PTPRD: variants seen among roughly 807,000 people sequenced by gnomAD.
PTPRD encodes protein tyrosine phosphatase receptor type D.
In PTPRD, 34 loss-of-function variants were observed where a neutral mutation model predicts 214.5. That is an observed-to-expected ratio of 0.16 (90% CI 0.12 to 0.21). The LOEUF (loss-of-function observed/expected upper bound fraction) is 0.21. Among genes scored for constraint, PTPRD ranks in the 10% least tolerant of loss-of-function variants. The pLI, the probability that PTPRD is intolerant of heterozygous loss-of-function variation, is 1.00. For missense variants in PTPRD, 2,545 were observed against 2,398.7 expected, an observed-to-expected ratio of 1.06 and a Z score of -1.27; for synonymous variants, 1,128 against 845.7, an observed-to-expected ratio of 1.33 and a Z score of -5.79.
chr9:9,194,100 A>G (rs1306962108), intron 9 of PTPRD, among the ~76,000 whole-genome samples: 2 of 152,004 alleles, frequency 1.3e-5, no homozygotes, highest in Admixed American at 6.6e-5. Context: ...ACAAACACAC[A>G]TATTAGCCTA....
intron 3 of PTPRD, among the ~76,000 whole-genome samples, chr9:10,280,045 T>G (rs1367300327): frequency 2.0e-5 from 3 of 152,190 alleles, no homozygotes; most frequent in Non-Finnish European, 4.4e-5. Context: ...CATTCTGTAC[T>G]TAATATAATT....
At chr9:8,352,253 T>C (rs1427900342) in intron 39 of PTPRD, among the ~76,000 whole-genome samples, 3 of 152,148 alleles carry the variant, frequency 2.0e-5, no homozygotes, top group Non-Finnish European at 4.4e-5. Flanking sequence ...CACCTGAATA[T>C]GCCGCAGCAG....
At chr9:9,293,389 CT>C (rs71500980) in intron 9 of PTPRD, among the ~76,000 whole-genome samples, 78 of 110,948 alleles carry the variant, frequency 7.0e-4, no homozygotes, top group Admixed American at 9.5e-4. Flanking sequence ...TTTGTTTGTT[CT>C]TTTTTTTTTT....
rs556988615 is a variant in PTPRD at position 9,302,480 on chromosome 9, A to T, written c.-203+94969T>A. 7.7e-5 allele frequency among the ~76,000 whole-genome samples: 3 copies of T among 38,842 alleles called. No homozygotes were observed. In the East Asian group the frequency reaches 0.023, roughly 303 times the overall value. The allele number at this position is 38,842 out of a possible 152,430, so 25.5% of individuals were successfully genotyped here. Reference sequence around the variant, plus strand: ...ACAAAGTTTATGCATTTTAGGTTGCAGATAAGGCCCATGTAACTTGATTCC... The same window carrying T: ...ACAAAGTTTATGCATTTTAGGTTGCTGATAAGGCCCATGTAACTTGATTCC... On this transcript the variant is annotated intron_variant, in intron 9 of 45. Transcript: ENST00000381196.
chr9:8,529,706 G>A (rs1308860903), intron 14 of PTPRD, among the ~76,000 whole-genome samples: 1 of 152,142 alleles, frequency 6.6e-6, no homozygotes, highest in African/African-American at 2.4e-5. Context: ...GATTAGAAAG[G>A]TGTGTTCTAT....
At chr9:9,833,186 G>A (rs973466570) in intron 5 of PTPRD, among the ~76,000 whole-genome samples, 11 of 151,930 alleles carry the variant, frequency 7.2e-5, no homozygotes, top group South Asian at 2.1e-4. Flanking sequence ...GACCTGCCCC[G>A]ATAATCACAT....
At chr9:8,535,377 T>C (rs141209478) in intron 14 of PTPRD, among the ~76,000 whole-genome samples, 2 of 152,104 alleles carry the variant, frequency 1.3e-5, no homozygotes, top group East Asian at 3.9e-4. Context: ...AAGTAACCTC[T>C]GCAAAGCCAA....
chr9:8,777,649 T>C (rs2095537760), intron 11 of PTPRD, among the ~76,000 whole-genome samples: 1 of 152,208 alleles, frequency 6.6e-6, no homozygotes, highest in East Asian at 1.9e-4. Flanking sequence ...TTAGCAATCT[T>C]AAATAAATGA....
chr9:10,437,407 C>T (rs2098726965), intron 2 of PTPRD, among the ~76,000 whole-genome samples: 1 of 151,850 alleles, frequency 6.6e-6, no homozygotes, highest in African/African-American at 2.4e-5. Flanking sequence ...TAAATATGAT[C>T]AGCACTGATG....
At chr9:8,544,697 C>G (rs1185470592) in intron 14 of PTPRD, among the ~76,000 whole-genome samples, 1 of 150,594 alleles carries the variant, frequency 6.6e-6, no homozygotes, top group South Asian at 2.1e-4. Context: ...CTGGAACTCC[C>G]GAACCTTCAG....
At chr9:10,478,672 T>C (rs1224867721) in intron 2 of PTPRD, among the ~76,000 whole-genome samples, 1 of 151,980 alleles carries the variant, frequency 6.6e-6, no homozygotes, top group Non-Finnish European at 1.5e-5. Flanking sequence ...CTGCTCATTT[T>C]TGACTTAATA....
At chr9:9,430,080 G>C (rs932164303) in intron 8 of PTPRD, among the ~76,000 whole-genome samples, 6 of 152,054 alleles carry the variant, frequency 3.9e-5, no homozygotes, top group Non-Finnish European at 7.4e-5. Flanking sequence ...AGAGATAAAG[G>C]GTATTCACTT....
chr9:8,597,158 A>T (rs531497686), intron 14 of PTPRD, among the ~76,000 whole-genome samples: 1 of 152,254 alleles, frequency 6.6e-6, no homozygotes, highest in South Asian at 2.1e-4. Flanking sequence ...GTGAAGGGTT[A>T]AAGGGGGAAT....
intron 8 of PTPRD, among the ~76,000 whole-genome samples, chr9:9,472,727 T>C (rs1442138066): frequency 6.6e-6 from 1 of 152,202 alleles, no homozygotes; most frequent in Non-Finnish European, 1.5e-5. Flanking sequence ...TCAATTTTAA[T>C]CTATTAGAGT....
At chr9:8,905,374 G>A (rs1473436281) in intron 11 of PTPRD, among the ~76,000 whole-genome samples, 1 of 151,724 alleles carries the variant, frequency 6.6e-6, no homozygotes, top group African/African-American at 2.4e-5. Context: ...GTACATTATG[G>A]CCCTCCAGAT....
intron 5 of PTPRD, among the ~76,000 whole-genome samples, chr9:9,771,704 G>A (rs2154481948): frequency 6.6e-6 from 1 of 152,262 alleles, no homozygotes; most frequent in Middle Eastern, 3.4e-3. Flanking sequence ...CCCTACTGAT[G>A]TGTGACGTTT....
intron 7 of PTPRD, among the ~76,000 whole-genome samples, chr9:9,603,086 G>T (rs938491245): frequency 2.6e-5 from 4 of 152,092 alleles, no homozygotes; most frequent in African/African-American, 9.7e-5. Context: ...GTAATGATTA[G>T]GATAAAATGC....
intron 7 of PTPRD, among the ~76,000 whole-genome samples, chr9:9,577,636 G>A (rs1017653805): frequency 6.6e-6 from 1 of 152,024 alleles, no homozygotes; most frequent in African/African-American, 2.4e-5. Context: ...TATTTTCAGA[G>A]GAGAGATTTA....
chr9:9,166,613 C>A (rs890002157), intron 10 of PTPRD, among the ~76,000 whole-genome samples: 16 of 152,120 alleles, frequency 1.1e-4, no homozygotes, highest in African/African-American at 3.9e-4. Flanking sequence ...TGCAACAGAC[C>A]ATGTTAGCCA....
Sources: allele counts gnomAD v4.1 joint callset (sites outside exome capture counted in the v4.1 genomes callset), GRCh38; gene constraint gnomAD v4.1.1; transcripts MANE v1.5; gene names NCBI Gene and HGNC (gene_info 2026-07-23, HGNC 2026-07-21).